Variants in LMNTD1 observed in about 807,000 individuals in gnomAD.
The protein encoded by LMNTD1 is lamin tail domain containing 1, also known as lamin tail domain-containing protein 1.
In LMNTD1, 35 loss-of-function variants were observed where a neutral mutation model predicts 50.9. The observed-to-expected ratio is 0.69, with a 90% CI of 0.53 to 0.91. The LOEUF is 0.91. Among genes scored for constraint, LMNTD1 ranks in the 40% least tolerant of loss-of-function variants. The probability of loss-of-function intolerance (pLI) is 0.00; values close to 1 mark genes in which losing one functional copy is unlikely to be tolerated. For missense variants in LMNTD1, 470 were observed against 475.5 expected (o/e 0.99, Z 0.11); for synonymous variants, 153 against 161.9 (o/e 0.94, Z 0.42).
At chr12:25,547,941 C>CA in intron 3 of LMNTD1, among the ~76,000 whole-genome samples, 1 of 151,880 alleles carries the variant, frequency 6.6e-6, no homozygotes, top group Non-Finnish European at 1.5e-5. Context: ...GCTCCCATAC[C>CA]ATAAGGGGAA....
At chr12:25,585,846 T>C (rs1229523099) in intron 1 of LMNTD1, 1 of 152,242 alleles carries the variant, frequency 6.6e-6, no homozygotes, top group Non-Finnish European at 1.5e-5. Context: ...ATTGCTATGA[T>C]TAGTGAATCC....
chr12:25,560,886 T>C (rs991824041), intron 1 of LMNTD1, among the ~76,000 whole-genome samples: 14 of 152,230 alleles, frequency 9.2e-5, no homozygotes, highest in South Asian at 2.1e-4. Flanking sequence ...TGATTTTGTA[T>C]CCTGAGACTT....
In LMNTD1 at chr12:25,606,068, C is replaced by G. The variant is rs1946093695; in HGVS notation, c.58+42426G>C. 2.6e-5 allele frequency among the ~76,000 whole-genome samples: 4 copies of G among 152,094 alleles called. No individual in the cohort carries two copies. In the South Asian group the frequency reaches 6.2e-4, roughly 24 times the overall value. On this transcript the variant is annotated intron_variant, in intron 1 of 7. Coordinates refer to the LMNTD1 transcript ENST00000445693. ...CTTCACATCCCTTGTAAGTTGGATT[C>G]CTAGGTATTTTATTCTCTTTGAAGC...
chr12:25,482,363 ACAGT>A (rs1339496724), intron 9 of LMNTD1, among the ~76,000 whole-genome samples: 1 of 152,006 alleles, frequency 6.6e-6, no homozygotes, highest in African/African-American at 2.4e-5. Context: ...GTTGTCAGAG[ACAGT>A]CAATCTTAAA....
intron 1 of LMNTD1, among the ~76,000 whole-genome samples, chr12:25,606,259 T>C (rs1946099530): frequency 6.6e-6 from 1 of 152,228 alleles, no homozygotes; most frequent in East Asian, 1.9e-4. Flanking sequence ...TTTCTAGATA[T>C]ACAATCATGT....
chr12:25,504,077 A>G (rs1939556692), intron 8 of LMNTD1, among the ~76,000 whole-genome samples: 1 of 152,262 alleles, frequency 6.6e-6, no homozygotes, highest in South Asian at 2.1e-4. Flanking sequence ...AAGGAAGCAT[A>G]TATTTCAGGA....
At chr12:25,555,754 A>G (rs1339940408), upstream of LMNTD1, among the ~76,000 whole-genome samples, 3 of 152,144 alleles carry the variant, frequency 2.0e-5, no homozygotes, top group African/African-American at 7.2e-5. Flanking sequence ...AAAGCTGAGT[A>G]ATAGTTACAT....
intron 1 of LMNTD1, among the ~76,000 whole-genome samples, chr12:25,638,442 A>G (rs934672278): frequency 6.6e-6 from 1 of 152,124 alleles, no homozygotes; most frequent in African/African-American, 2.4e-5. Flanking sequence ...AGAAAATACT[A>G]AACAACTTAC....
At chr12:25,513,783 G>A (rs1344670549) in intron 8 of LMNTD1, among the ~76,000 whole-genome samples, 1 of 151,876 alleles carries the variant, frequency 6.6e-6, no homozygotes, top group Non-Finnish European at 1.5e-5. Flanking sequence ...GTTATAGAAA[G>A]AGATAGCATT....
At chr12:25,570,961 T>C (rs1373303107) in intron 1 of LMNTD1, among the ~76,000 whole-genome samples, 1 of 152,220 alleles carries the variant, frequency 6.6e-6, no homozygotes, top group Non-Finnish European at 1.5e-5. Flanking sequence ...CTGAGCAGCC[T>C]TAACAAATCA....
intron 1 of LMNTD1, among the ~76,000 whole-genome samples, chr12:25,623,765 G>T (rs1419578134): frequency 1.3e-5 from 2 of 151,904 alleles, no homozygotes; most frequent in Admixed American, 6.6e-5. Context: ...GCCAACAGAT[G>T]CTAAAAACAT....
At chr12:25,521,782 C>G (rs1196156460) in intron 6 of LMNTD1, among the ~76,000 whole-genome samples, 1 of 152,124 alleles carries the variant, frequency 6.6e-6, no homozygotes, top group Non-Finnish European at 1.5e-5. Context: ...GACAGTAGAG[C>G]TAGAGACATG....
rs372709675 is a variant in LMNTD1 at position 25,509,845 on chromosome 12, A to C, written c.1190-6045T>G. Among the ~76,000 whole-genome samples the C allele has an allele frequency of 2.8e-4, 42 of 152,334 alleles. 1 individual carries two copies. Among genetic ancestry groups the C allele is most frequent in the African/African-American group, 8.2e-4 (34 of 41,574 alleles). On this transcript the variant is annotated intron_variant, in intron 8 of 9. Transcript: ENST00000458174. ...CCAAGGAGTATCAAGGAATGCCGGCAATGACTAGAAACTAAGAAGATGCAA... is the reference window on the plus strand; with the variant it reads ...CCAAGGAGTATCAAGGAATGCCGGCCATGACTAGAAACTAAGAAGATGCAA...
intron 8 of LMNTD1, among the ~76,000 whole-genome samples, chr12:25,506,615 TA>T (rs1939804473): frequency 6.6e-6 from 1 of 151,766 alleles, no homozygotes; most frequent in African/African-American, 2.4e-5. Context: ...CAACACAATG[TA>T]AACTTATCTG....
At chr12:25,529,823 C>G (rs1212447657) in intron 4 of LMNTD1, among the ~76,000 whole-genome samples, 1 of 152,068 alleles carries the variant, frequency 6.6e-6, no homozygotes, top group Non-Finnish European at 1.5e-5. Context: ...AATCACAGCA[C>G]TCAAACAAAG....
intron 9 of LMNTD1, among the ~76,000 whole-genome samples, chr12:25,487,355 T>G (rs1938686529): frequency 7.3e-6 from 1 of 136,516 alleles, no homozygotes; most frequent in Non-Finnish European, 1.6e-5. Flanking sequence ...TAGTTAGCTC[T>G]TCTTGTTGAA....
chr12:25,583,138 C>G (rs1945374965), intron 1 of LMNTD1, among the ~76,000 whole-genome samples: 1 of 151,756 alleles, frequency 6.6e-6, no homozygotes, highest in African/African-American at 2.4e-5. Context: ...TCTCCTACCT[C>G]AGCCTCCCGA....
At chr12:25,494,667 C>T (rs1939000634) in intron 9 of LMNTD1, among the ~76,000 whole-genome samples, 1 of 152,044 alleles carries the variant, frequency 6.6e-6, no homozygotes, top group African/African-American at 2.4e-5. Flanking sequence ...CACAAAGTCA[C>T]ATTATTTTTT....
intron 1 of LMNTD1, among the ~76,000 whole-genome samples, chr12:25,590,302 C>G (rs1945656787): frequency 6.6e-6 from 1 of 151,816 alleles, no homozygotes; most frequent in African/African-American, 2.4e-5. Flanking sequence ...CTTATTATAA[C>G]AGAAAAAAAA....
Sources: gnomAD v4.1 joint callset for allele counts (sites outside exome capture counted in the v4.1 genomes callset) on GRCh38, gnomAD v4.1.1 for gene constraint, MANE v1.5 for transcripts, NCBI Gene and HGNC (gene_info 2026-07-23, HGNC 2026-07-21) for gene names.